COL28A1: variants seen among roughly 807,000 people sequenced by gnomAD.
The protein encoded by COL28A1 is collagen alpha-1(XXVIII) chain.
In COL28A1, 161 loss-of-function variants were observed where a neutral mutation model predicts 150.2. The ratio of observed to expected loss-of-function variants is 1.07; its 90% CI spans 0.94 to 1.22. The LOEUF is 1.22. Ranked by LOEUF, COL28A1 falls within the 50% of genes most tolerant of loss-of-function variation. The pLI is 0.00. For synonymous variants in COL28A1, 552 were observed against 469.7 expected, an observed-to-expected ratio of 1.18 and a Z score of -2.26; for missense variants, 1,617 against 1,388.3, an observed-to-expected ratio of 1.16 and a Z score of -2.62.
chr7:7,395,101 G>A (rs1399682343), intron 27 of COL28A1, among the ~76,000 whole-genome samples: 1 of 152,168 alleles, frequency 6.6e-6, no homozygotes, highest in Non-Finnish European at 1.5e-5. Context: ...AGACCAGCCT[G>A]GCCAACATGG....
At chr7:7,398,275 T>A (rs1434033256) in intron 27 of COL28A1, among the ~76,000 whole-genome samples, 1 of 152,230 alleles carries the variant, frequency 6.6e-6, no homozygotes, top group African/African-American at 2.4e-5. Context: ...CAGCTCTCAA[T>A]ACTTACAGTC....
Position 7,506,041 on chromosome 7 carries a change from TG to T in COL28A1, c.998del (p.Pro333GlnfsTer105). 1 of 1,476,636 alleles carries T rather than the reference TG, an allele frequency of 6.8e-7. No individual in the cohort carries two copies. Among genetic ancestry groups the T allele is most frequent in the Non-Finnish European group, 9.5e-7 (1 of 1,054,590 alleles). 91.5% of individuals were successfully genotyped at this position (1,476,636 alleles called of 1,614,324 possible). ...TATTGCCTTGAAACCCCTTTGGGCC[TG>T]GGTCTCCTGGAGGTCCAGTAATTCC... ...IQGITGPPGD[P>X]GPKGFQGNKG... is the part of the protein sequence containing the mutation. On this transcript the variant is annotated frameshift_variant, in exon 11 of 35. Coordinates refer to ENST00000399429, the MANE Select transcript of COL28A1 (RefSeq NM_001037763.3). LOFTEE classifies it high-confidence loss of function.
intron 10 of COL28A1, among the ~76,000 whole-genome samples, chr7:7,506,653 T>A (rs1464608056): frequency 2.0e-5 from 3 of 152,246 alleles, no homozygotes; most frequent in African/African-American, 7.2e-5. Context: ...CTGAAATCTA[T>A]GGATGTCTAA....
At chr7:7,441,096 GT>G (rs1233662793) in intron 20 of COL28A1, among the ~76,000 whole-genome samples, 1 of 152,136 alleles carries the variant, frequency 6.6e-6, no homozygotes, top group African/African-American at 2.4e-5. Flanking sequence ...AAAAATCTAA[GT>G]TTTGTATCTT....
At chr7:7,486,514 C>T (rs1779633239) in intron 13 of COL28A1, among the ~76,000 whole-genome samples, 1 of 152,128 alleles carries the variant, frequency 6.6e-6, no homozygotes, top group African/African-American at 2.4e-5. Context: ...TGTCTTGTTC[C>T]TGATCTTAGA....
At chr7:7,411,553 CT>C (rs1424413578) in intron 27 of COL28A1, among the ~76,000 whole-genome samples, 16 of 152,246 alleles carry the variant, frequency 1.1e-4, no homozygotes, top group Admixed American at 9.8e-4. Flanking sequence ...TCCCCCTCCC[CT>C]GATCCTTTCC....
At chr7:7,340,499 A>G in the COL28A1 span, among the ~76,000 whole-genome samples, 1 of 152,112 alleles carries the variant, frequency 6.6e-6, no homozygotes, top group Non-Finnish European at 1.5e-5. Context: ...CAGCCTCTTC[A>G]GTGAGCTCCT....
chr7:7,344,010 T>TAA, the COL28A1 span, among the ~76,000 whole-genome samples: 2 of 147,702 alleles, frequency 1.4e-5, no homozygotes, highest in African/African-American at 5.1e-5. Flanking sequence ...TATCTTAAAA[T>TAA]AAAAATAAAA....
chr7:7,485,611 C>T (rs989605376), intron 13 of COL28A1, among the ~76,000 whole-genome samples: 4 of 152,130 alleles, frequency 2.6e-5, no homozygotes, highest in South Asian at 4.1e-4. Context: ...ATATTTAAAT[C>T]TATGATCCAT....
At chr7:7,498,019 T>C (rs1159669539) in intron 11 of COL28A1, among the ~76,000 whole-genome samples, 1 of 152,144 alleles carries the variant, frequency 6.6e-6, no homozygotes, top group Non-Finnish European at 1.5e-5. Context: ...AAAGACTCCA[T>C]AATAACAATG....
intron 27 of COL28A1, among the ~76,000 whole-genome samples, chr7:7,383,437 C>T (rs1583258867): frequency 6.6e-6 from 1 of 151,612 alleles, no homozygotes; most frequent in South Asian, 2.1e-4. Flanking sequence ...TGCCACTATG[C>T]CTGGCTAATT....
upstream of COL28A1, among the ~76,000 whole-genome samples, chr7:7,537,816 T>C (rs558155250): frequency 9.9e-5 from 15 of 152,136 alleles, no homozygotes; most frequent in Middle Eastern, 6.8e-3. Flanking sequence ...CTATGGGTGT[T>C]AGTCACACTT....
At chr7:7,447,975 T>C (rs565731529) in intron 18 of COL28A1, among the ~76,000 whole-genome samples, 1 of 152,190 alleles carries the variant, frequency 6.6e-6, no homozygotes, top group African/African-American at 2.4e-5. Context: ...GCTAAGGCAC[T>C]AGGATCTCTT....
chr7:7,454,136 T>C (rs990529059), intron 16 of COL28A1, among the ~76,000 whole-genome samples: 2 of 152,210 alleles, frequency 1.3e-5, no homozygotes, highest in Non-Finnish European at 2.9e-5. Context: ...TTTTTCACTC[T>C]ATTTGTAAAA....
intron 27 of COL28A1, among the ~76,000 whole-genome samples, chr7:7,390,306 G>A (rs536636676): frequency 5.7e-4 from 87 of 152,204 alleles, no homozygotes; most frequent in Non-Finnish European, 1.1e-3. Context: ...CTTGATTTGC[G>A]TATGTTGAAC....
intron 30 of COL28A1, among the ~76,000 whole-genome samples, chr7:7,377,438 C>T (rs1446870373): frequency 6.6e-6 from 1 of 152,112 alleles, no homozygotes; most frequent in South Asian, 2.1e-4. Flanking sequence ...GGAACCATCT[C>T]GATCTGCTGG....
At chr7:7,444,113 G>C (rs1480833926) in intron 19 of COL28A1, among the ~76,000 whole-genome samples, 3 of 150,856 alleles carry the variant, frequency 2.0e-5, no homozygotes, top group African/African-American at 7.3e-5. Flanking sequence ...TTGCCTCTTA[G>C]GGGGAGGCGG....
At position 7,381,881 on chromosome 7, in the gene COL28A1, C is replaced by A. The variant is rs1781893526; in HGVS notation, c.2137-269G>T. Among the ~76,000 whole-genome samples the A allele has an allele frequency of 2.6e-5, 4 of 152,112 alleles. No individual in the cohort carries two copies. The South Asian group carries it at 8.3e-4, about 31-fold the overall frequency. ...TTTGCCTATTTCTGTGGTGTAAATA[C>A]TTTCACTGTGGCTAATTCAAGCTAT... On this transcript the variant is annotated intron_variant, in intron 27 of 34. Transcript: ENST00000399429.
intron 15 of COL28A1, among the ~76,000 whole-genome samples, chr7:7,461,806 C>A (rs945944133): frequency 6.6e-6 from 1 of 152,176 alleles, no homozygotes; most frequent in Non-Finnish European, 1.5e-5. Flanking sequence ...TCCCTATCCA[C>A]CCTGGTAACT....
Sources: allele counts gnomAD v4.1 joint callset (sites outside exome capture counted in the v4.1 genomes callset), GRCh38; gene constraint gnomAD v4.1.1; transcripts MANE v1.5; gene names NCBI Gene and HGNC (gene_info 2026-07-23, HGNC 2026-07-21).